The following TMEFF2 variants were observed in gnomAD, a reference collection of about 807,000 sequenced individuals.
The protein encoded by TMEFF2 is transmembrane protein with EGF like and two follistatin like domains 2.
In TMEFF2, 28 loss-of-function variants were observed where a neutral mutation model predicts 53.8. The observed-to-expected ratio is 0.52, with a 90% CI of 0.39 to 0.71. The LOEUF (loss-of-function observed/expected upper bound fraction) is 0.71, where lower values mean the gene tolerates loss of function less well. TMEFF2 is among the 30% of genes least tolerant of loss of function. TMEFF2 has a pLI of 0.00. For synonymous variants in TMEFF2, 162 were observed against 166.3 expected (o/e 0.97, Z 0.20); for missense variants, 353 against 455.2 (o/e 0.78, Z 2.04).
At chr2:192,043,038 C>G (rs1172952478) in intron 5 of TMEFF2, among the ~76,000 whole-genome samples, 2 of 152,116 alleles carry the variant, frequency 1.3e-5, no homozygotes, top group Admixed American at 1.3e-4. Context: ...GTAATTGGGT[C>G]TCAGGGCAGC....
At chr2:192,017,424 G>A (rs1401931828) in intron 5 of TMEFF2, among the ~76,000 whole-genome samples, 1 of 152,142 alleles carries the variant, frequency 6.6e-6, no homozygotes, top group Admixed American at 6.6e-5. Context: ...GAGACAGGAA[G>A]CAGGGAGACC....
chr2:192,109,636 A>C (rs986244776), intron 4 of TMEFF2, among the ~76,000 whole-genome samples: 2 of 152,088 alleles, frequency 1.3e-5, no homozygotes, highest in Non-Finnish European at 2.9e-5. Context: ...GACGCACTAC[A>C]TATGGTGGGG....
At chr2:191,980,815 G>A (rs1419089692) in intron 7 of TMEFF2, among the ~76,000 whole-genome samples, 1 of 151,968 alleles carries the variant, frequency 6.6e-6, no homozygotes, top group African/African-American at 2.4e-5. Context: ...TCTATCTTAG[G>A]GAATGGAACT....
intron 4 of TMEFF2, among the ~76,000 whole-genome samples, chr2:192,111,400 GGT>G (rs1300828663): frequency 6.6e-6 from 1 of 152,078 alleles, no homozygotes; most frequent in Non-Finnish European, 1.5e-5. Flanking sequence ...CAAGGAGACT[GGT>G]GACATTTTGC....
intron 4 of TMEFF2, among the ~76,000 whole-genome samples, chr2:192,106,338 C>T (rs1689145459): frequency 6.6e-6 from 1 of 151,618 alleles, no homozygotes; most frequent in East Asian, 1.9e-4. Flanking sequence ...AGAAGTGAAA[C>T]TTGGTACATA....
chr2:191,954,396 A>C (rs537931620), intron 8 of TMEFF2, among the ~76,000 whole-genome samples: 41 of 152,240 alleles, frequency 2.7e-4, no homozygotes, highest in African/African-American at 9.6e-4. Context: ...ATTACTAGAT[A>C]ATTTGTTTTT....
chr2:192,143,335 C>T (rs978427831), intron 4 of TMEFF2, among the ~76,000 whole-genome samples: 6 of 152,184 alleles, frequency 3.9e-5, no homozygotes, highest in Admixed American at 2.6e-4. Flanking sequence ...CTCAGCACTA[C>T]AGCAAATTTG....
intron 4 of TMEFF2, among the ~76,000 whole-genome samples, chr2:192,138,051 C>G (rs1358941585): frequency 1.3e-5 from 2 of 151,984 alleles, no homozygotes; most frequent in African/African-American, 4.8e-5. Context: ...ACTCCTGACC[C>G]CAGGTGATCT....
At chr2:192,137,264 G>A (rs1308032099) in intron 4 of TMEFF2, among the ~76,000 whole-genome samples, 1 of 152,178 alleles carries the variant, frequency 6.6e-6, no homozygotes, top group Non-Finnish European at 1.5e-5. Flanking sequence ...GAGATGTGAA[G>A]TGAAAGATTT....
intron 4 of TMEFF2, among the ~76,000 whole-genome samples, chr2:192,066,377 T>C (rs775839028): frequency 6.6e-6 from 1 of 151,784 alleles, no homozygotes; most frequent in Non-Finnish European, 1.5e-5. Context: ...TGCCAAAAAC[T>C]AAAGGAAGCC....
chr2:192,068,479 G>A (rs892140849), intron 4 of TMEFF2, among the ~76,000 whole-genome samples: 2 of 151,772 alleles, frequency 1.3e-5, no homozygotes, highest in African/African-American at 2.4e-5. Context: ...CTTATATTGA[G>A]GAGTAAAAGG....
intron 4 of TMEFF2, among the ~76,000 whole-genome samples, chr2:192,125,286 A>G (rs1034279222): frequency 6.6e-6 from 1 of 152,210 alleles, no homozygotes. Context: ...AAGATAAACA[A>G]GTAAAACATA....
At chr2:192,056,262 A>G (rs946614807) in intron 5 of TMEFF2, among the ~76,000 whole-genome samples, 4 of 152,080 alleles carry the variant, frequency 2.6e-5, no homozygotes, top group Non-Finnish European at 5.9e-5. Flanking sequence ...AGGTATATGT[A>G]AAAAAGAAAA....
At position 192,118,159 on chromosome 2, in the gene TMEFF2, A is replaced by G. The variant is rs1319119747; in HGVS notation, c.440-60384T>C. Among the ~76,000 whole-genome samples, 3 of 152,068 alleles carry G rather than the reference A, an allele frequency of 2.0e-5. No individual in the cohort carries two copies. The East Asian group carries it at 5.8e-4, about 29-fold the overall frequency. The stretch of plus-strand genomic sequence containing the variant: ...ATAAAGGTAATGACTTTCAGTCTCA[A>G]TTTTGTAAGCTTCTCAGTGATGTTC... On this transcript the variant is annotated intron_variant, in intron 4 of 9. Coordinates refer to ENST00000272771, the MANE Select transcript of TMEFF2 (RefSeq NM_016192.4).
intron 8 of TMEFF2, among the ~76,000 whole-genome samples, chr2:191,954,335 A>T (rs1691997143): frequency 6.6e-6 from 1 of 152,066 alleles, no homozygotes; most frequent in African/African-American, 2.4e-5. Flanking sequence ...CTCGGTTATC[A>T]GATATGTGGT....
At chr2:192,175,685 A>G (rs183597301) in intron 4 of TMEFF2, among the ~76,000 whole-genome samples, 1 of 151,628 alleles carries the variant, frequency 6.6e-6, no homozygotes, top group African/African-American at 2.4e-5. Flanking sequence ...TACTTATTGT[A>G]TCTATGCTGT....
chr2:192,024,069 A>G (rs1216341388), intron 5 of TMEFF2, among the ~76,000 whole-genome samples: 1 of 152,186 alleles, frequency 6.6e-6, no homozygotes, highest in Non-Finnish European at 1.5e-5. Flanking sequence ...GCATATCTTT[A>G]TGATTGCTAA....
intron 3 of TMEFF2, among the ~76,000 whole-genome samples, chr2:192,181,208 T>C (rs1431250846): frequency 6.6e-6 from 1 of 151,774 alleles, no homozygotes; most frequent in African/African-American, 2.4e-5. Context: ...AGTGCTTGGG[T>C]GCTTTTTGTA....
At chr2:192,015,150 T>C (rs1574292126) in intron 5 of TMEFF2, among the ~76,000 whole-genome samples, 1 of 152,226 alleles carries the variant, frequency 6.6e-6, no homozygotes, top group East Asian at 1.9e-4. Context: ...TAGTTAACAT[T>C]AGGGATTGGG....
Sources: gnomAD v4.1 joint callset for allele counts (sites outside exome capture counted in the v4.1 genomes callset) on GRCh38, gnomAD v4.1.1 for gene constraint, MANE v1.5 for transcripts, NCBI Gene and HGNC (gene_info 2026-07-23, HGNC 2026-07-21) for gene names.